The following ZNF251 variants were observed in gnomAD, a reference collection of about 807,000 sequenced individuals.
The protein encoded by ZNF251 is zinc finger protein 251.
A neutral mutation model predicts 13.5 loss-of-function variants in ZNF251; 14 were observed. The observed-to-expected ratio is 1.04, with a 90% confidence interval of 0.69 to 1.63. ZNF251 has a LOEUF of 1.63. ZNF251 is among the 40% of genes most tolerant of loss of function. The pLI is 0.00. For synonymous variants in ZNF251, 287 were observed against 295.2 expected, an observed-to-expected ratio of 0.97 and a Z score of 0.28; for missense variants, 764 against 834.9, an observed-to-expected ratio of 0.92 and a Z score of 1.05.
At chr8:144,748,751 TG>T (rs1824547621) in intron 4 of ZNF251, among the ~76,000 whole-genome samples, 1 of 152,102 alleles carries the variant, frequency 6.6e-6, no homozygotes, top group African/African-American at 2.4e-5. Context: ...TTTGATGAGA[TG>T]ATTTCTCACT....
At chr8:144,727,925 G>GTCTC (rs1200901236) in intron 4 of ZNF251, among the ~76,000 whole-genome samples, 1 of 152,112 alleles carries the variant, frequency 6.6e-6, no homozygotes. Context: ...CGATCCTCCT[G>GTCTC]TCTCAGCCTC....
chr8:144,731,960 T>TTTTTTTTAA (rs1823709590), intron 4 of ZNF251, among the ~76,000 whole-genome samples: 3 of 151,592 alleles, frequency 2.0e-5, no homozygotes, highest in African/African-American at 4.9e-5. Context: ...TTTTTTTTTT[T>TTTTTTTTAA]AAGACAGAGT....
rs2730060 is a variant in ZNF251, at chr8:144,728,390, G to A, written c.278-5008C>T. Among the ~76,000 whole-genome samples the A allele has an allele frequency of 0.031, 4,656 of 152,198 alleles. 468 individuals are homozygous for A. In the East Asian group the frequency reaches 0.37, roughly 12 times the overall value. ...ATAAAAAAAAGGTTTGAGGCCAGGCGCAGTAGCTCATGCCTGCAATCCCAG... is the reference window on the plus strand; with the variant it reads ...ATAAAAAAAAGGTTTGAGGCCAGGCACAGTAGCTCATGCCTGCAATCCCAG... On this transcript the variant is annotated intron_variant, in intron 4 of 4. Coordinates refer to ENST00000292562, the MANE Select transcript of ZNF251 (RefSeq NM_138367.2).
chr8:144,733,428 A>G (rs564540534), intron 4 of ZNF251, among the ~76,000 whole-genome samples: 7 of 152,340 alleles, frequency 4.6e-5, no homozygotes, highest in Admixed American at 4.6e-4. Flanking sequence ...CGCATGTGCT[A>G]TGCTCTTTGA....
At chr8:144,751,701 G>A (rs1404331383) in intron 4 of ZNF251, among the ~76,000 whole-genome samples, 2 of 152,166 alleles carry the variant, frequency 1.3e-5, no homozygotes, top group Non-Finnish European at 2.9e-5. Flanking sequence ...ATGCACAAGT[G>A]CATTCCTGAA....
chr8:144,740,720 G>A (rs939755133), intron 4 of ZNF251, among the ~76,000 whole-genome samples: 18 of 151,884 alleles, frequency 1.2e-4, no homozygotes, highest in Admixed American at 4.6e-4. Context: ...GATTGCCTAA[G>A]CTCAGGAATT....
chr8:144,753,201 G>C (rs1824777109), intron 4 of ZNF251, among the ~76,000 whole-genome samples: 1 of 145,598 alleles, frequency 6.9e-6, no homozygotes, highest in South Asian at 2.3e-4. Flanking sequence ...CCTGAGCCTG[G>C]TACGTGGAGG....
intron 4 of ZNF251, among the ~76,000 whole-genome samples, chr8:144,737,047 G>A (rs1034188451): frequency 1.3e-5 from 2 of 148,718 alleles, no homozygotes; most frequent in East Asian, 2.0e-4. Context: ...CCGATGATCC[G>A]CCTGCCTTAG....
chr8:144,754,177 T>C lies in ZNF251; in HGVS notation c.163+15A>G, dbSNP rs1187243241. The C allele has an allele frequency of 3.7e-6, 6 of 1,608,110 alleles. No homozygotes were observed. The highest frequency in any genetic ancestry group is 2.2e-5 in the East Asian group (1 of 44,778). ...GGCCCCCACTGCGAACCAGGCCAAG[T>C]GCAGAGAGCCTCACCCAGAGAGGCC... On this transcript the variant is annotated intron_variant, in intron 3 of 4. Coordinates refer to ENST00000292562, the MANE Select transcript of ZNF251 (RefSeq NM_138367.2).
At chr8:144,754,430 G>A in intron 2 of ZNF251, 109 bp from the exon 3 acceptor site, 6 of 1,453,246 alleles carry the variant, frequency 4.1e-6, no homozygotes, top group Non-Finnish European at 5.4e-6. Flanking sequence ...GCTGTGGTCA[G>A]TATGAACTGT....
intron 4 of ZNF251, among the ~76,000 whole-genome samples, chr8:144,725,308 C>T (rs1823488553): frequency 2.0e-5 from 3 of 152,308 alleles, no homozygotes; most frequent in Non-Finnish European, 1.5e-5. Flanking sequence ...AGCCATCGCA[C>T]CCGGCCTCTT....
chr8:144,735,484 C>T, intron 4 of ZNF251, among the ~76,000 whole-genome samples: 1 of 151,984 alleles, frequency 6.6e-6, no homozygotes, highest in Non-Finnish European at 1.5e-5. Context: ...AGAGTTAGCG[C>T]TCACTCCCAC....
At chr8:144,742,411 TTTA>T (rs1824205238) in intron 4 of ZNF251, among the ~76,000 whole-genome samples, 1 of 151,452 alleles carries the variant, frequency 6.6e-6, no homozygotes, top group African/African-American at 2.4e-5. Flanking sequence ...TTGAAAATAC[TTTA>T]TTTTTAGAGC....
chr8:144,747,937 TCTCA>T (rs1452001665), intron 4 of ZNF251, among the ~76,000 whole-genome samples: 1 of 152,002 alleles, frequency 6.6e-6, no homozygotes. Context: ...AGAGATAGTG[TCTCA>T]CTCAGTTGCC....
At chr8:144,749,404 G>C (rs778908793) in intron 4 of ZNF251, among the ~76,000 whole-genome samples, 2 of 152,074 alleles carry the variant, frequency 1.3e-5, no homozygotes, top group African/African-American at 4.8e-5. Context: ...AGGATCACTC[G>C]AGCCTGGGAG....
At position 144,730,097 on chromosome 8, in the gene ZNF251, A is replaced by G. The variant is rs1043629175; in HGVS notation, c.278-6715T>C. On this transcript the variant is annotated intron_variant, in intron 4 of 4. Coordinates refer to ENST00000292562, the MANE Select transcript of ZNF251 (RefSeq NM_138367.2). ...CCCAGCAGTGCCTCTCCCTTCGTAC[A>G]TCACCAGAGTCGGCTGAAAAGTGCC... The G allele has an allele frequency of 3.0e-6, 3 of 985,350 alleles. No homozygotes were observed. In the African/African-American group the frequency reaches 5.2e-5, roughly 17 times the overall value. 61.0% of individuals were successfully genotyped at this position (985,350 alleles called of 1,614,324 possible). A position where few individuals can be genotyped will look rare whatever the true frequency, so the allele number is the denominator to read the frequency against.
At chr8:144,754,991 G>C in intron 1 of ZNF251, 188 bp from the exon 2 acceptor site, 1 of 1,397,630 alleles carries the variant, frequency 7.2e-7, no homozygotes, top group Non-Finnish European at 9.2e-7. Flanking sequence ...CAGAGCCCGG[G>C]GGGATCCAGG....
chr8:144,752,782 G>A (rs891334386), intron 4 of ZNF251, among the ~76,000 whole-genome samples: 5 of 152,144 alleles, frequency 3.3e-5, no homozygotes, highest in Middle Eastern at 3.4e-3. Flanking sequence ...ACAAAGCTGC[G>A]GATATGAGTT....
intron 4 of ZNF251, among the ~76,000 whole-genome samples, chr8:144,730,306 G>A (rs955140484): frequency 3.3e-5 from 5 of 152,226 alleles, no homozygotes; most frequent in Non-Finnish European, 7.3e-5. Context: ...AGCGCGTGCC[G>A]CTGCGACGGG....
Sources: gnomAD v4.1 joint callset for allele counts (sites outside exome capture counted in the v4.1 genomes callset) on GRCh38, gnomAD v4.1.1 for gene constraint, MANE v1.5 for transcripts, NCBI Gene and HGNC (gene_info 2026-07-23, HGNC 2026-07-21) for gene names.